Variants in PCDH7 observed in about 807,000 individuals in gnomAD.
PCDH7 encodes the protein protocadherin-7.
PCDH7 carries 17 observed loss-of-function variants against 58.9 expected under a neutral mutation model. The observed-to-expected ratio is 0.29, with a 90% CI of 0.20 to 0.43. The LOEUF is 0.43. PCDH7 is among the 20% of genes least tolerant of loss of function. The pLI is 1.00. For missense variants in PCDH7, 1,274 were observed against 1,441.0 expected, an observed-to-expected ratio of 0.88 and a Z score of 1.88; for synonymous variants, 664 against 616.4, an observed-to-expected ratio of 1.08 and a Z score of -1.14.
At chr4:31,131,913 C>G (rs183554910) in intron 3 of PCDH7, among the ~76,000 whole-genome samples, 278 of 152,206 alleles carry the variant, frequency 1.8e-3, no homozygotes, top group Admixed American at 5.2e-3. Context: ...AGGATTACTT[C>G]AATAAATCTA....
At chr4:31,070,132 T>C (rs1441608954) in intron 3 of PCDH7, among the ~76,000 whole-genome samples, 1 of 152,090 alleles carries the variant, frequency 6.6e-6, no homozygotes, top group Non-Finnish European at 1.5e-5. Flanking sequence ...GAATGCTGAA[T>C]TGATACAAAG....
chr4:31,131,705 C>T lies in PCDH7; in HGVS notation c.*8-10768C>T, dbSNP rs557297098. Among the ~76,000 whole-genome samples, 11 of 152,222 alleles carry T rather than the reference C, an allele frequency of 7.2e-5. No homozygotes were observed. The South Asian group carries it at 8.3e-4, about 11-fold the overall frequency. ...TTGTTATTAAAAGAGTAGTTCCAAT[C>T]CAATAAGCTTTTCTGTGTGATTTCT... On this transcript the variant is annotated intron_variant, in intron 3 of 3. Transcript: ENST00000509759.
chr4:30,722,555 T>A lies in PCDH7; in HGVS notation c.1133T>A (p.Val378Glu). The A allele has an allele frequency of 1.2e-6, 2 of 1,612,272 alleles. No individual in the cohort carries two copies. The highest frequency in any genetic ancestry group is 1.7e-6 in the Non-Finnish European group (2 of 1,179,894). The change falls in exon 1 of 2, where the codon GTG (valine) becomes GAG (glutamate). Residue 378 changes from valine to glutamate, a missense_variant. By Grantham distance (121) the Val-to-Glu change is moderately radical (BLOSUM62 -2). Transcript: ENST00000361762. This position sits in a 1 kb window ranked among gnomAD's most constrained non-coding sequence, Gnocchi z 7.6. ...CTGCACCGGATCGACCGCGAGGAGG[T>A]GAACCAGCTGCGCTTCACGGTCATG...
At chr4:31,001,621 C>A (rs1037807104) in intron 3 of PCDH7, among the ~76,000 whole-genome samples, 2 of 152,070 alleles carry the variant, frequency 1.3e-5, no homozygotes, top group African/African-American at 4.8e-5. Context: ...TTGACACACT[C>A]ATTTATAAGC....
intron 3 of PCDH7, among the ~76,000 whole-genome samples, chr4:31,046,333 A>C (rs564223684): frequency 6.6e-6 from 1 of 151,964 alleles, no homozygotes; most frequent in Non-Finnish European, 1.5e-5. Context: ...TTGGGCTTAA[A>C]ATACCAGCTC....
rs558239760 is a variant in PCDH7 at position 30,880,503 on chromosome 4, A to C, written c.71-39650A>C. Among the ~76,000 whole-genome samples the C allele has an allele frequency of 7.2e-5, 11 of 152,276 alleles. No homozygotes were observed. The South Asian group carries it at 2.1e-3, about 29-fold the overall frequency. On this transcript the variant is annotated intron_variant, in intron 1 of 3. Transcript: ENST00000509759. ...TCAGTATTAGCACAGCTCAATATAA[A>C]CACCTCTGCACTGAATTTCTAATAA...
chr4:31,085,662 A>C (rs1053285506), intron 3 of PCDH7, among the ~76,000 whole-genome samples: 2 of 152,186 alleles, frequency 1.3e-5, no homozygotes, highest in Non-Finnish European at 2.9e-5. Context: ...ACATTTCAAC[A>C]TGAGATTTGG....
In PCDH7 at chr4:30,797,307, C is replaced by T. The variant is rs1577843687; in HGVS notation, c.70+72711C>T. Among the ~76,000 whole-genome samples the T allele has an allele frequency of 2.0e-5, 3 of 151,948 alleles. No individual in the cohort carries two copies. In the East Asian group the frequency reaches 5.8e-4, roughly 30 times the overall value. On this transcript the variant is annotated intron_variant, in intron 1 of 3. Coordinates refer to the PCDH7 transcript ENST00000509759. ...GGTTTTTTTGAGACGGAGTCTTGCT[C>T]TGTCACCCAGGCTGGAGTGCAGTGG... is the stretch of plus-strand genomic sequence containing the variant.
intron 3 of PCDH7, among the ~76,000 whole-genome samples, chr4:31,007,986 C>T (rs1024666107): frequency 1.3e-5 from 2 of 151,992 alleles, no homozygotes; most frequent in African/African-American, 2.4e-5. Context: ...TTAATCGCTG[C>T]AGCATGACAT....
At chr4:30,834,807 A>G (rs1447371) in intron 1 of PCDH7, among the ~76,000 whole-genome samples, 38,216 of 151,744 alleles carry the variant, frequency 0.25, 5,328 homozygotes, top group African/African-American at 0.37. Context: ...TTATACAGCA[A>G]AATTTTCTGG....
At chr4:30,935,427 T>C (rs563650464) in intron 2 of PCDH7, 109 of 338,648 alleles carry the variant, frequency 3.2e-4, no homozygotes, top group African/African-American at 2.4e-3. Context: ...CTAACTACCA[T>C]GAACAAGTTC....
At position 30,787,115 on chromosome 4, in the gene PCDH7, A is replaced by G. The variant is rs186644618; in HGVS notation, c.70+62519A>G. 2.1e-3 allele frequency among the ~76,000 whole-genome samples: 321 copies of G among 152,206 alleles called. 1 individual carries two copies. The highest frequency in any genetic ancestry group is 4.6e-3 in the South Asian group (22 of 4,828). ...CGCCATACTCAGGAGTATGAAAAGA[A>G]GAACAGGAAATTCTTTTTCTTCAGT... is the stretch of plus-strand genomic sequence containing the variant. On this transcript the variant is annotated intron_variant, in intron 1 of 3. Transcript: ENST00000509759.
intron 1 of PCDH7, among the ~76,000 whole-genome samples, chr4:30,873,714 G>A (rs1251808694): frequency 6.6e-6 from 1 of 151,902 alleles, no homozygotes; most frequent in Non-Finnish European, 1.5e-5. Flanking sequence ...TGTTGAATAT[G>A]GCATGCAATA....
intron 3 of PCDH7, among the ~76,000 whole-genome samples, chr4:31,057,667 T>C (rs1757361142): frequency 6.6e-6 from 1 of 152,174 alleles, no homozygotes; most frequent in Admixed American, 6.6e-5. Context: ...ATCATTTAAA[T>C]ACATTGTTTA....
At chr4:31,061,427 A>G (rs1327763765) in intron 3 of PCDH7, among the ~76,000 whole-genome samples, 1 of 151,588 alleles carries the variant, frequency 6.6e-6, no homozygotes, top group Non-Finnish European at 1.5e-5. Flanking sequence ...ATTTTCTTCT[A>G]GAGAGTTAAT....
At chr4:30,735,354 T>C (rs1716102713), downstream of PCDH7, among the ~76,000 whole-genome samples, 1 of 152,062 alleles carries the variant, frequency 6.6e-6, no homozygotes, top group Non-Finnish European at 1.5e-5. Context: ...TGTTTAAAGG[T>C]GAGGCGGGGC....
At chr4:30,881,732 G>A (rs556452270) in intron 1 of PCDH7, among the ~76,000 whole-genome samples, 30 of 152,168 alleles carry the variant, frequency 2.0e-4, no homozygotes, top group Admixed American at 1.3e-3. Context: ...TAAAACTGGC[G>A]AAAATGGAAA....
chr4:31,056,345 G>A (rs141962653), intron 3 of PCDH7, among the ~76,000 whole-genome samples: 103 of 150,260 alleles, frequency 6.9e-4, no homozygotes, highest in Non-Finnish European at 1.3e-3. Flanking sequence ...TCCAGCATAC[G>A]TGACAGAGAG....
chr4:30,879,516 A>G (rs1736694304), intron 1 of PCDH7, among the ~76,000 whole-genome samples: 2 of 152,030 alleles, frequency 1.3e-5, no homozygotes, highest in South Asian at 4.2e-4. Context: ...TTGAAACTTT[A>G]TAAATTGGCC....
Sources: allele counts gnomAD v4.1 joint callset (sites outside exome capture counted in the v4.1 genomes callset), GRCh38; gene constraint gnomAD v4.1.1; non-coding constraint Gnocchi (gnomAD v3.1); transcripts MANE v1.5; gene names NCBI Gene and HGNC (gene_info 2026-07-23, HGNC 2026-07-21).